The following CTSL variants were observed in gnomAD, a reference collection of about 807,000 sequenced individuals.
The protein encoded by CTSL is procathepsin L.
CTSL carries 23 observed loss-of-function variants against 34.7 expected under a neutral mutation model. The ratio of observed to expected loss-of-function variants is 0.66; its 90% CI spans 0.48 to 0.94. The LOEUF is 0.94. CTSL is among the 40% of genes least tolerant of loss of function. CTSL has a pLI of 0.00. For synonymous variants in CTSL, 129 were observed against 136.7 expected (o/e 0.94, Z 0.39); for missense variants, 361 against 406.3 (o/e 0.89, Z 0.96).
At position 87,730,453 on chromosome 9, in the gene CTSL, A is replaced by G. The variant is rs753898966; in HGVS notation, c.857A>G (p.Glu286Gly). ...GTGCTGGTGGTTGGCTACGGATTTG[A>G]AAGCACAGAATCAGATAACAATAAA... ...HGVLVVGYGF[E>G]STESDNNKYW... The change falls in exon 7 of 8, where the codon GAA becomes GGA. Residue 286 changes from glutamate to glycine, a missense_variant. Glu to Gly is a moderately conservative substitution (Grantham distance 98). Coordinates refer to ENST00000343150, the MANE Select transcript of CTSL (RefSeq NM_001912.5). The G allele has an allele frequency of 1.2e-6, 2 of 1,613,392 alleles. No individual in the cohort carries two copies. Among genetic ancestry groups the G allele is most frequent in the East Asian group, 4.5e-5 (2 of 44,792 alleles).
intron 5 of CTSL, 47 bp downstream of exon 5, chr9:87,728,856 G>A (rs1337937958): frequency 1.2e-6 from 2 of 1,613,522 alleles, no homozygotes; most frequent in Non-Finnish European, 1.7e-6. Flanking sequence ...TTTGGAAGGT[G>A]GACACTTTAA....
At chr9:87,728,925 C>A in intron 5 of CTSL, 116 bp downstream of exon 5, 1 of 1,521,200 alleles carries the variant, frequency 6.6e-7, no homozygotes, top group Non-Finnish European at 8.8e-7. Flanking sequence ...GTGGCTCACG[C>A]CTGTAATCCC....
chr9:87,727,512 G>C, intron 1 of CTSL, 82 bp from the exon 2 acceptor site: 1 of 1,329,862 alleles, frequency 7.5e-7, no homozygotes, highest in Admixed American at 1.9e-5. Flanking sequence ...ATTCTACCAT[G>C]GTGGCCCTAA....
chr9:87,730,369 T>G lies in CTSL; in HGVS notation c.785-12T>G. Reference sequence around the variant, plus strand: ...GGAGCTTCTCACCCCAGCCCTCATTTTACCATCCCAGGCATTTATTTTGAG... The same window carrying G: ...GGAGCTTCTCACCCCAGCCCTCATTGTACCATCCCAGGCATTTATTTTGAG... On this transcript the variant is annotated splice_polypyrimidine_tract_variant and intron_variant, in intron 6 of 7. Transcript: ENST00000343150. 6.3e-7 allele frequency: 1 copy of G among 1,595,890 alleles called. No homozygotes were observed. The highest frequency in any genetic ancestry group is 2.3e-5 in the East Asian group (1 of 44,254).
intron 3 of CTSL, 43 bp from the exon 4 acceptor site, chr9:87,728,207 G>T: frequency 6.2e-7 from 1 of 1,614,136 alleles, no homozygotes; most frequent in East Asian, 2.2e-5. Flanking sequence ...CTTTACTAAG[G>T]TAATCTCTTG....
At position 87,730,989 on chromosome 9, in the gene CTSL, A is replaced by G. The variant is rs998990319; in HGVS notation, c.903-19A>G. On this transcript the variant is annotated intron_variant, in intron 7 of 7. Transcript: ENST00000343150. ...GGCTTTATTCTTTCTCTGAAATGGA[A>G]AACCTGCTCTTTTTTCAGCTGGGGT... 2 of 1,609,406 alleles carry G rather than the reference A, an allele frequency of 1.2e-6. No individual in the cohort carries two copies. The highest frequency in any genetic ancestry group is 3.3e-5 in the Admixed American group (2 of 59,984).
rs1392904965 is a variant in CTSL at position 87,730,440 on chromosome 9, G to A, written c.844G>A (p.Gly282Ser). 6.2e-7 allele frequency: 1 copy of A among 1,613,276 alleles called. No homozygotes were observed. The highest frequency in any genetic ancestry group is 2.2e-5 in the East Asian group (1 of 44,774). ...EDMDHGVLVV[G>S]YGFESTESDN... ...CATGGATCATGGTGTGCTGGTGGTT[G>A]GCTACGGATTTGAAAGCACAGAATC... Residue 282 changes from glycine (G) to serine (S), a missense_variant, in exon 7 of 8, where the codon GGC becomes AGC. Transcript: ENST00000343150.
intron 5 of CTSL, 27 bp downstream of exon 5, chr9:87,728,836 C>T (rs1449871341): frequency 2.5e-6 from 4 of 1,613,946 alleles, no homozygotes; most frequent in Non-Finnish European, 3.4e-6. Flanking sequence ...GTCATCATTC[C>T]AGCTCAGCTT....
rs775710216 is a variant in CTSL, at chr9:87,728,645, C to T, written c.457C>T (p.Arg153Trp). The change falls in exon 5 of 8, where the codon CGG (arginine) becomes TGG (tryptophan). Residue 153 changes from arginine (R) to tryptophan (W), a missense_variant. Coordinates refer to ENST00000343150, the MANE Select transcript of CTSL (RefSeq NM_001912.5). ...ATGALEGQMFRKTGRLISLSE... is the reference protein window; with the variant it reads ...ATGALEGQMFWKTGRLISLSE... ...TGGTGCTCTTGAAGGACAGATGTTC[C>T]GGAAAACTGGGAGGCTTATCTCACT... 1.5e-5 allele frequency: 24 copies of T among 1,613,838 alleles called. No homozygotes were observed. The highest frequency in any genetic ancestry group is 6.6e-5 in the South Asian group (6 of 91,070).
chr9:87,727,833 C>CATT (rs1167993833), intron 2 of CTSL, 104 bp downstream of exon 2: 2 of 1,462,704 alleles, frequency 1.4e-6, no homozygotes, highest in East Asian at 4.6e-5. Context: ...ATGTAATAAC[C>CATT]TAATGGCGTG....
At chr9:87,728,510 C>G (rs1826126229) in intron 4 of CTSL, 75 bp from the exon 5 acceptor site, 1 of 1,571,686 alleles carries the variant, frequency 6.4e-7, no homozygotes, top group East Asian at 2.2e-5. Context: ...TAACAGTATT[C>G]AGATGTGTGA....
At chr9:87,729,871 A>G (rs1182901241) in intron 6 of CTSL, 136 bp downstream of exon 6, 1 of 759,524 alleles carries the variant, frequency 1.3e-6, no homozygotes, top group Non-Finnish European at 2.0e-6. Flanking sequence ...CATTCTGTAC[A>G]TGCAATATTT....
intron 3 of CTSL, 32 bp downstream of exon 3, chr9:87,728,181 C>G (rs766322986): frequency 1.2e-6 from 2 of 1,614,094 alleles, no homozygotes; most frequent in African/African-American, 2.7e-5. Context: ...GAGCTCTGTG[C>G]TTCCTCTCTT....
Position 87,731,100 on chromosome 9 carries a change from C to T in CTSL, c.995C>T (p.Thr332Ile). The T allele has an allele frequency of 6.2e-7, 1 of 1,613,186 alleles. No homozygotes were observed. Among genetic ancestry groups the T allele is most frequent in the Non-Finnish European group, 8.5e-7 (1 of 1,179,304 alleles). ...CGIASAASYP[T>I]V Reference sequence around the variant, plus strand: ...ATTGCCTCAGCAGCCAGCTACCCCACTGTGTGAGCTGGTGGACGGTGATGA... The same window carrying T: ...ATTGCCTCAGCAGCCAGCTACCCCATTGTGTGAGCTGGTGGACGGTGATGA... Residue 332 changes from threonine to isoleucine, a missense_variant, in exon 8 of 8, where the codon ACT (threonine) becomes ATT (isoleucine). Thr to Ile is a moderately conservative substitution (Grantham distance 89, BLOSUM62 -1). Coordinates refer to ENST00000343150, the MANE Select transcript of CTSL (RefSeq NM_001912.5).
rs574296172 is a variant in CTSL at position 87,731,434 on chromosome 9, G to A, written c.*327G>A. 3 of 196,362 alleles carry A rather than the reference G, an allele frequency of 1.5e-5. No individual in the cohort carries two copies. In the Admixed American group the frequency reaches 1.6e-4, roughly 11 times the overall value. 12.2% of individuals were successfully genotyped at this position (196,362 alleles called of 1,614,324 possible). A position where few individuals can be genotyped will look rare whatever the true frequency, so the allele number is the denominator to read the frequency against. ...TCTATTTTTGATGCACTGAATTTTT[G>A]TGTAATAAAGAACATAATTGGGCTC... On this transcript the variant is annotated 3_prime_UTR_variant, in exon 8 of 8. Transcript: ENST00000343150.
chr9:87,728,922 A>G, intron 5 of CTSL, 113 bp downstream of exon 5: 1 of 1,528,090 alleles, frequency 6.5e-7, no homozygotes, highest in Non-Finnish European at 8.8e-7. Flanking sequence ...GGGGTGGCTC[A>G]CGCCTGTAAT....
chr9:87,730,909 G>A, intron 7 of CTSL, 99 bp from the exon 8 acceptor site: 1 of 915,534 alleles, frequency 1.1e-6, no homozygotes, highest in Non-Finnish European at 1.7e-6. Flanking sequence ...TTTCTGTTAA[G>A]TCTATGGCCT....
At position 87,730,985 on chromosome 9, in the gene CTSL, TG is replaced by T. The variant is rs1489104735; in HGVS notation, c.903-21del. ...TTTGGGCTTTATTCTTTCTCTGAAA[TG>T]GAAAACCTGCTCTTTTTTCAGCTGG... On this transcript the variant is annotated intron_variant, in intron 7 of 7. Transcript: ENST00000343150. 2 of 1,605,596 alleles carry T rather than the reference TG, an allele frequency of 1.2e-6. 1 individual carries two copies. Among genetic ancestry groups the T allele is most frequent in the Non-Finnish European group, 1.7e-6 (2 of 1,172,614 alleles).
intron 1 of CTSL, among the ~76,000 whole-genome samples, chr9:87,726,964 GGGAGGCAGAGGTTGCTGTGA>G (rs1431362727): frequency 6.6e-6 from 1 of 152,020 alleles, no homozygotes; most frequent in Admixed American, 6.6e-5. Context: ...GCTTGAACCC[GGGAGGCAGAGGTTGCTGTGA>G]GCCGATATCG....
Sources: allele counts gnomAD v4.1 joint callset (sites outside exome capture counted in the v4.1 genomes callset), GRCh38; gene constraint gnomAD v4.1.1; transcripts MANE v1.5; gene names NCBI Gene and HGNC (gene_info 2026-07-23, HGNC 2026-07-21).